Variants in EFHD1 observed in about 807,000 individuals in gnomAD.
EFHD1 encodes the protein EF-hand domain-containing protein D1.
A neutral mutation model predicts 17.2 loss-of-function variants in EFHD1; 10 were observed. The ratio of observed to expected loss-of-function variants is 0.58; its 90% CI spans 0.36 to 0.99. The LOEUF is 0.99. EFHD1 is among the 50% of genes least tolerant of loss of function. The pLI, the probability that EFHD1 is intolerant of heterozygous loss-of-function variation, is 0.01. For synonymous variants in EFHD1, 153 were observed against 142.0 expected (o/e 1.08, Z -0.55); for missense variants, 310 against 327.5 (o/e 0.95, Z 0.41).
At chr2:232,650,117 A>C (rs1335491657) in intron 1 of EFHD1, 1 of 152,114 alleles carries the variant, frequency 6.6e-6, no homozygotes, top group African/African-American at 2.4e-5. Flanking sequence ...ACTGCACTCC[A>C]GCCTGGGCAA....
At chr2:232,648,845 A>G (rs1694582759) in intron 1 of EFHD1, among the ~76,000 whole-genome samples, 1 of 152,064 alleles carries the variant, frequency 6.6e-6, no homozygotes, top group Admixed American at 6.5e-5. Flanking sequence ...GCAATGCGTG[A>G]TTTCTATTCC....
At chr2:232,648,431 G>C (rs1694573548) in intron 1 of EFHD1, among the ~76,000 whole-genome samples, 1 of 152,192 alleles carries the variant, frequency 6.6e-6, no homozygotes, top group African/African-American at 2.4e-5. Flanking sequence ...GCAGGAAGGA[G>C]GAGCAGGTGA....
At chr2:232,641,191 A>G (rs1016475777) in intron 1 of EFHD1, among the ~76,000 whole-genome samples, 4 of 151,842 alleles carry the variant, frequency 2.6e-5, no homozygotes, top group African/African-American at 9.7e-5. Context: ...TACAGGCACG[A>G]CCACCATGCC....
At chr2:232,631,722 C>T (rs567944385), upstream of EFHD1, among the ~76,000 whole-genome samples, 6 of 142,728 alleles carry the variant, frequency 4.2e-5, no homozygotes, top group East Asian at 1.4e-3. Flanking sequence ...ACAAAACCAG[C>T]TGGGTGTGGT....
At position 232,680,273 on chromosome 2, in the gene EFHD1, T is replaced by TA. The variant is rs532500309; in HGVS notation, c.586-1300dup. Among the ~76,000 whole-genome samples the TA allele has an allele frequency of 2.8e-3, 401 of 143,112 alleles. 2 individuals are homozygous for TA. The highest frequency in any genetic ancestry group is 8.6e-3 in the African/African-American group (339 of 39,460). 93.9% of individuals were successfully genotyped at this position (143,112 alleles called of 152,430 possible). ...CTGGACAACAGAGTGAGACTCTGTC[T>TA]AAAAAAAAAAAAGTACATACTCAGC... On this transcript the variant is annotated intron_variant, in intron 3 of 3. Transcript: ENST00000264059.
chr2:232,635,824 GAA>G (rs35020517), intron 1 of EFHD1, among the ~76,000 whole-genome samples: 29 of 145,920 alleles, frequency 2.0e-4, no homozygotes, highest in African/African-American at 6.7e-4. Flanking sequence ...GTCTCAAGGG[GAA>G]AAAAAAAAAG....
intron 1 of EFHD1, among the ~76,000 whole-genome samples, chr2:232,620,041 A>G (rs957009007): frequency 6.6e-6 from 1 of 152,018 alleles, no homozygotes; most frequent in African/African-American, 2.4e-5. Flanking sequence ...TTTATCAATA[A>G]TCTAAGCTTG....
chr2:232,631,698 A>AAC (rs1263364647), upstream of EFHD1, among the ~76,000 whole-genome samples: 4 of 148,330 alleles, frequency 2.7e-5, no homozygotes, highest in African/African-American at 5.0e-5. Context: ...CATTAAAAAA[A>AAC]AAAAAAAACA....
At chr2:232,613,953 TACAC>T (rs746596096) in intron 1 of EFHD1, among the ~76,000 whole-genome samples, 1 of 149,466 alleles carries the variant, frequency 6.7e-6, no homozygotes, top group Admixed American at 6.7e-5. Flanking sequence ...CACATAAATA[TACAC>T]ACACATACAC....
chr2:232,641,714 C>T (rs1236725787), intron 1 of EFHD1, among the ~76,000 whole-genome samples: 1 of 152,240 alleles, frequency 6.6e-6, no homozygotes, highest in Non-Finnish European at 1.5e-5. Context: ...GTTAGCCAGC[C>T]CCCATGCTAG....
upstream of EFHD1, among the ~76,000 whole-genome samples, chr2:232,631,691 T>TA (rs34689384): frequency 0.18 from 20,584 of 114,882 alleles, 2,121 homozygotes; most frequent in East Asian, 0.56. Flanking sequence ...ATAAGAACAT[T>TA]AAAAAAAAAA....
At chr2:232,649,399 C>T (rs1049733234) in intron 1 of EFHD1, among the ~76,000 whole-genome samples, 4 of 152,178 alleles carry the variant, frequency 2.6e-5, no homozygotes, top group South Asian at 2.1e-4. Flanking sequence ...CCTGGGGAGG[C>T]GGGCCTTATC....
intron 1 of EFHD1, among the ~76,000 whole-genome samples, chr2:232,636,963 G>C (rs1487896678): frequency 6.6e-6 from 1 of 152,072 alleles, no homozygotes; most frequent in Non-Finnish European, 1.5e-5. Flanking sequence ...GGTGAGTTCC[G>C]GGTCCCCGTG....
At chr2:232,680,752 G>A (rs1695264617) in intron 3 of EFHD1, among the ~76,000 whole-genome samples, 2 of 151,946 alleles carry the variant, frequency 1.3e-5, no homozygotes, top group South Asian at 2.1e-4. Context: ...CAGGTGATCC[G>A]CCCGCTTCAG....
At chr2:232,662,620 CAT>C in intron 1 of EFHD1, 180 bp from the exon 2 acceptor site, 1 of 637,724 alleles carries the variant, frequency 1.6e-6, no homozygotes, top group Non-Finnish European at 2.4e-6. Flanking sequence ...TGCTTTGAGT[CAT>C]ACAAAGCCCT....
intron 2 of EFHD1, among the ~76,000 whole-genome samples, chr2:232,667,813 C>T (rs1236499146): frequency 6.6e-6 from 1 of 152,170 alleles, no homozygotes; most frequent in Non-Finnish European, 1.5e-5. Flanking sequence ...CCGCCTTGGC[C>T]TCCCAAAGTG....
At chr2:232,624,971 G>A (rs145326851) in intron 1 of EFHD1, among the ~76,000 whole-genome samples, 414 of 152,124 alleles carry the variant, frequency 2.7e-3, no homozygotes, top group Admixed American at 4.3e-3. Context: ...CACCACTCCC[G>A]ACACACTTTT....
At position 232,672,322 on chromosome 2, in the gene EFHD1, T is replaced by A; in HGVS notation, c.464T>A (p.Phe155Tyr). The A allele has an allele frequency of 6.2e-7, 1 of 1,614,194 alleles. No individual in the cohort carries two copies. The highest frequency in any genetic ancestry group is 8.5e-7 in the Non-Finnish European group (1 of 1,180,034). Residue 155 changes from phenylalanine (F) to tyrosine (Y), a missense_variant, in exon 3 of 4, where the codon TTC (phenylalanine) becomes TAC (tyrosine). Coordinates refer to ENST00000264059, the MANE Select transcript of EFHD1 (RefSeq NM_025202.4). ...TTTCCCCTGTAGTTCCTGCTCATTTTCCACAAGGCCGCGGCAGGGGAGCTG... is the reference window on the plus strand; with the variant it reads ...TTTCCCCTGTAGTTCCTGCTCATTTACCACAAGGCCGCGGCAGGGGAGCTG... ...KLSFREFLLI[F>Y]HKAAAGELQE...
At chr2:232,669,215 C>T (rs1695023021) in intron 2 of EFHD1, among the ~76,000 whole-genome samples, 2 of 152,168 alleles carry the variant, frequency 1.3e-5, no homozygotes, top group Non-Finnish European at 2.9e-5. Flanking sequence ...TCCAAGGGGC[C>T]TGTCTTCTTT....
Sources: gnomAD v4.1 joint callset for allele counts (sites outside exome capture counted in the v4.1 genomes callset) on GRCh38, gnomAD v4.1.1 for gene constraint, MANE v1.5 for transcripts, NCBI Gene and HGNC (gene_info 2026-07-23, HGNC 2026-07-21) for gene names.